The following BABAM2 variants were observed in gnomAD, a reference collection of about 807,000 sequenced individuals.
The protein encoded by BABAM2 is BRISC and BRCA1-A complex member 2.
In BABAM2, 31 loss-of-function variants were observed where a neutral mutation model predicts 54.7. The ratio of observed to expected loss-of-function variants is 0.57; its 90% CI spans 0.43 to 0.77. BABAM2 has a LOEUF of 0.77. Among genes scored for constraint, BABAM2 ranks in the 30% least tolerant of loss-of-function variants. The probability of loss-of-function intolerance (pLI) is 0.00; values close to 1 mark genes in which losing one functional copy is unlikely to be tolerated. For synonymous variants in BABAM2, 167 were observed against 162.9 expected, an observed-to-expected ratio of 1.03 and a Z score of -0.19; for missense variants, 364 against 455.8, an observed-to-expected ratio of 0.80 and a Z score of 1.83.
intron 3 of BABAM2, among the ~76,000 whole-genome samples, chr2:27,946,726 A>C (rs1359537935): frequency 6.6e-6 from 1 of 152,088 alleles, no homozygotes; most frequent in Non-Finnish European, 1.5e-5. Context: ...AGCAAGAGAG[A>C]GAGTGAGCGA....
At chr2:28,281,714 A>T (rs1686377840) in intron 10 of BABAM2, among the ~76,000 whole-genome samples, 1 of 152,224 alleles carries the variant, frequency 6.6e-6, no homozygotes, top group Non-Finnish European at 1.5e-5. Context: ...TTAACATCTG[A>T]AGGCTTGAAT....
chr2:28,316,169 G>A (rs998616845), intron 11 of BABAM2, among the ~76,000 whole-genome samples: 1 of 152,170 alleles, frequency 6.6e-6, no homozygotes, highest in Non-Finnish European at 1.5e-5. Flanking sequence ...CTGACATTCA[G>A]ATTTAACAAG....
rs954214584 is a variant in BABAM2, at chr2:28,261,766, TTCCCC to T, written c.934+16921_934+16925del. On this transcript the variant is annotated intron_variant, in intron 10 of 11. Transcript: ENST00000379624. ...TTTCTCTCCCCTCCCCTCTCCTCCT[TTCCCC>T]TCCCCTCCCCTCCCCTTCCCTTCCC... 5.3e-4 allele frequency among the ~76,000 whole-genome samples: 79 copies of T among 148,352 alleles called. 1 individual carries two copies. Among genetic ancestry groups the T allele is most frequent in the African/African-American group, 1.8e-3 (74 of 40,398 alleles).
intron 6 of BABAM2, among the ~76,000 whole-genome samples, chr2:28,116,730 C>T (rs1241202647): frequency 6.6e-6 from 1 of 152,210 alleles, no homozygotes; most frequent in Non-Finnish European, 1.5e-5. Context: ...AGAAATAAGG[C>T]AAGTGAAACT....
chr2:28,124,758 G>A (rs1227963342), intron 6 of BABAM2, among the ~76,000 whole-genome samples: 1 of 152,050 alleles, frequency 6.6e-6, no homozygotes, highest in African/African-American at 2.4e-5. Context: ...ACCAAACAAA[G>A]CTATACTTCT....
intron 2 of BABAM2, 62 bp from the exon 3 acceptor site, chr2:27,929,770 T>A: frequency 7.0e-7 from 1 of 1,437,394 alleles, no homozygotes; most frequent in Non-Finnish European, 9.8e-7. Context: ...CATAAACATG[T>A]GGGTTTTTAA....
intron 7 of BABAM2, among the ~76,000 whole-genome samples, chr2:28,183,263 A>AC (rs1675837368): frequency 6.6e-6 from 1 of 152,020 alleles, no homozygotes; most frequent in Non-Finnish European, 1.5e-5. Context: ...ACATGGTGAA[A>AC]CCCCATCTCT....
intron 6 of BABAM2, among the ~76,000 whole-genome samples, chr2:28,085,282 C>G (rs1665539824): frequency 6.6e-6 from 1 of 152,122 alleles, no homozygotes; most frequent in African/African-American, 2.4e-5. Context: ...AATATTTTGT[C>G]TCTGTTAATG....
chr2:28,299,004 TAAAC>T (rs1188914047), intron 11 of BABAM2, among the ~76,000 whole-genome samples: 1 of 152,202 alleles, frequency 6.6e-6, no homozygotes, highest in Non-Finnish European at 1.5e-5. Flanking sequence ...CAGGTGGCAG[TAAAC>T]AAACAATTTT....
At chr2:27,969,730 A>G (rs72812529) in intron 3 of BABAM2, among the ~76,000 whole-genome samples, 7,378 of 152,112 alleles carry the variant, frequency 0.049, 243 homozygotes, top group Middle Eastern at 0.071. Flanking sequence ...CATTTGGTAA[A>G]TTCTGTGGAC....
intron 10 of BABAM2, among the ~76,000 whole-genome samples, chr2:28,270,868 G>A (rs1249512489): frequency 6.6e-6 from 1 of 152,210 alleles, no homozygotes; most frequent in Admixed American, 6.5e-5. Context: ...AAATTCAAAT[G>A]CAGCTCTTTC....
At chr2:28,165,529 C>CTTTTTTTTT (rs1192641957) in intron 7 of BABAM2, among the ~76,000 whole-genome samples, 27 of 72,276 alleles carry the variant, frequency 3.7e-4, no homozygotes, top group East Asian at 9.6e-4. Flanking sequence ...TTTTTCCTTG[C>CTTTTTTTTT]TTTTTTTTTT....
intron 2 of BABAM2, among the ~76,000 whole-genome samples, chr2:27,923,327 G>A (rs1667465918): frequency 6.6e-6 from 1 of 152,284 alleles, no homozygotes; most frequent in Admixed American, 6.5e-5. Flanking sequence ...AGCCTTAAAA[G>A]ATTTTATAAT....
At chr2:28,166,277 G>A (rs1673664771) in intron 7 of BABAM2, among the ~76,000 whole-genome samples, 1 of 152,188 alleles carries the variant, frequency 6.6e-6, no homozygotes, top group African/African-American at 2.4e-5. Context: ...CATGGAGGAT[G>A]CTGGCTTGGA....
At position 27,905,419 on chromosome 2, in the gene BABAM2, C is replaced by T. The variant is rs192470384; in HGVS notation, c.128+10735C>T. On this transcript the variant is annotated intron_variant, in intron 2 of 11. Transcript: ENST00000379624. The stretch of plus-strand genomic sequence containing the variant: ...ACCTTTGATAGGTCTCATAACCTTT[C>T]GGTGCTTCAGTTTTCTCTTAAATGG... 3.3e-3 allele frequency among the ~76,000 whole-genome samples: 503 copies of T among 152,196 alleles called. 2 individuals carry two copies. Among genetic ancestry groups the T allele is most frequent in the African/African-American group, 0.012 (484 of 41,508 alleles).
chr2:28,242,986 C>T (rs1291472703), intron 9 of BABAM2, among the ~76,000 whole-genome samples: 5 of 152,160 alleles, frequency 3.3e-5, no homozygotes, highest in African/African-American at 1.2e-4. Context: ...GAAGCTAGCA[C>T]AGTGGCCTCC....
At chr2:28,298,632 C>T (rs1369475321) in intron 11 of BABAM2, 141 bp downstream of exon 11, 1 of 1,035,202 alleles carries the variant, frequency 9.7e-7, no homozygotes, top group South Asian at 1.8e-5. Flanking sequence ...ACAGCAACAC[C>T]CATTTCTTTA....
At chr2:27,994,537 C>T (rs1301471639) in intron 4 of BABAM2, among the ~76,000 whole-genome samples, 1 of 152,164 alleles carries the variant, frequency 6.6e-6, no homozygotes, top group Non-Finnish European at 1.5e-5. Context: ...TTATTTTTGC[C>T]TCTCTTTGAT....
chr2:27,914,235 C>T (rs1200506933), intron 2 of BABAM2, among the ~76,000 whole-genome samples: 1 of 152,136 alleles, frequency 6.6e-6, no homozygotes, highest in Non-Finnish European at 1.5e-5. Flanking sequence ...TGAGTCCCAA[C>T]ACAGCTCCCT....
Sources: gnomAD v4.1 joint callset for allele counts (sites outside exome capture counted in the v4.1 genomes callset) on GRCh38, gnomAD v4.1.1 for gene constraint, MANE v1.5 for transcripts, NCBI Gene and HGNC (gene_info 2026-07-23, HGNC 2026-07-21) for gene names.